SULF1: variants seen among roughly 807,000 people sequenced by gnomAD.
SULF1 encodes sulfatase 1, also known as extracellular sulfatase Sulf-1.
In SULF1, 46 loss-of-function variants were observed where a neutral mutation model predicts 110.5. The observed-to-expected ratio is 0.42, with a 90% CI of 0.33 to 0.53. The LOEUF is 0.53. Among genes scored for constraint, SULF1 ranks in the 20% least tolerant of loss-of-function variants. SULF1 has a pLI of 0.12. For missense variants in SULF1, 941 were observed against 1,094.2 expected (o/e 0.86, Z 1.98); for synonymous variants, 371 against 387.1 (o/e 0.96, Z 0.49).
Position 69,658,958 on chromosome 8 carries a change from A to C in SULF1, c.*423A>C, listed in dbSNP as rs1291235023. ...GAAGTTAATCATTTGAATTCTGAAC[A>C]CTGGAGAAAAACCGAAAAATGGACG... On this transcript the variant is annotated 3_prime_UTR_variant, in exon 23 of 23. Transcript: ENST00000402687. 2.2e-6 allele frequency: 1 copy of C among 459,202 alleles called. No individual in the cohort carries two copies. Among genetic ancestry groups the C allele is most frequent in the Non-Finnish European group, 4.4e-6 (1 of 228,526 alleles). The allele number at this position is 459,202 out of a possible 1,614,324, so 28.4% of individuals were successfully genotyped here. A position where few individuals can be genotyped will look rare whatever the true frequency, so the allele number is the denominator to read the frequency against.
intron 3 of SULF1, among the ~76,000 whole-genome samples, chr8:69,554,807 G>A (rs946843709): frequency 2.0e-5 from 3 of 151,780 alleles, no homozygotes; most frequent in Admixed American, 6.6e-5. Flanking sequence ...GTGAAACCCC[G>A]TCTTTACTGA....
At chr8:69,535,598 T>C (rs2150654695) in intron 3 of SULF1, among the ~76,000 whole-genome samples, 1 of 151,978 alleles carries the variant, frequency 6.6e-6, no homozygotes, top group East Asian at 1.9e-4. Context: ...ATGTAAGGAG[T>C]AAAGCTCTAA....
intron 1 of SULF1, among the ~76,000 whole-genome samples, chr8:69,494,677 G>A (rs1180357919): frequency 1.3e-5 from 2 of 152,102 alleles, no homozygotes; most frequent in African/African-American, 2.4e-5. Flanking sequence ...CATAATAGAA[G>A]GAACACAAGC....
At chr8:69,552,249 G>A (rs1033163687) in intron 3 of SULF1, among the ~76,000 whole-genome samples, 3 of 152,162 alleles carry the variant, frequency 2.0e-5, no homozygotes, top group Admixed American at 6.5e-5. Flanking sequence ...CTCTTGCGTA[G>A]CTCTTTTAAA....
intron 22 of SULF1, among the ~76,000 whole-genome samples, chr8:69,654,710 C>A (rs1294354571): frequency 6.6e-6 from 1 of 152,186 alleles, no homozygotes; most frequent in Non-Finnish European, 1.5e-5. Context: ...TCCTGCAAAG[C>A]AGAGAAATCT....
chr8:69,493,448 T>TACACACACACACACACACACAC (rs56867664), intron 1 of SULF1, among the ~76,000 whole-genome samples: 4 of 144,276 alleles, frequency 2.8e-5, no homozygotes, highest in African/African-American at 1.0e-4. Context: ...CACACAACAC[T>TACACACACACACACACACACAC]ACACACACAC....
intron 3 of SULF1, among the ~76,000 whole-genome samples, chr8:69,512,285 T>C (rs1811615968): frequency 6.6e-6 from 1 of 152,120 alleles, no homozygotes; most frequent in South Asian, 2.1e-4. Context: ...AAGTGCCTCT[T>C]GAGCGAGTAT....
At position 69,621,247 on chromosome 8, in the gene SULF1, T is replaced by C; in HGVS notation, c.1590T>C (p.Thr530=). ...GGCAATTCTTGAGAAACCAGGGGAC[T>C]CCAAGTAAGCCACGCTTTTGTGACC... is the stretch of plus-strand genomic sequence containing the variant. The part of the protein sequence containing the change: ...SQRQFLRNQG[T]PKYKPRFVHT... Residue 530 remains threonine (T), a synonymous_variant, in exon 14 of 23, where the codon ACT becomes ACC. Transcript: ENST00000402687. The C allele has an allele frequency of 6.2e-7, 1 of 1,611,392 alleles. No homozygotes were observed. Among genetic ancestry groups the C allele is most frequent in the East Asian group, 2.2e-5 (1 of 44,850 alleles).
At chr8:69,488,716 C>G (rs1293241067), upstream of SULF1, among the ~76,000 whole-genome samples, 1 of 152,028 alleles carries the variant, frequency 6.6e-6, no homozygotes, top group Non-Finnish European at 1.5e-5. Context: ...CAGCACCCAA[C>G]AGTGGACAGA....
chr8:69,468,795 G>A (rs546391277), intron 1 of SULF1, among the ~76,000 whole-genome samples: 83 of 152,296 alleles, frequency 5.4e-4, no homozygotes, highest in African/African-American at 1.9e-3. Flanking sequence ...TCACAAGAAA[G>A]TCAAGTGCCT....
intron 3 of SULF1, among the ~76,000 whole-genome samples, chr8:69,526,798 AAAGGAAGGAAGGAAGG>A (rs5892198): frequency 4.9e-4 from 55 of 112,198 alleles, no homozygotes; most frequent in African/African-American, 1.7e-3. Flanking sequence ...GTCAAGAAAG[AAAGGAAGGAAGGAAGG>A]AAGGAAGGAA....
At chr8:69,490,764 A>G (rs1193648324), upstream of SULF1, among the ~76,000 whole-genome samples, 2 of 150,176 alleles carry the variant, frequency 1.3e-5, no homozygotes, top group Admixed American at 6.6e-5. Context: ...TCTAAGCTGT[A>G]TGACCAGACT....
Position 69,586,376 on chromosome 8 carries a change from C to T in SULF1, c.432C>T (p.Leu144=). ...GYRTAFFGKY[L]NEYNGSYIPP... is the part of the protein sequence containing the mutation. ...CTGCAGCCTTTTTTGGAAAATACCT[C>T]AATGAATATAATGGCAGCTACATCC... Residue 144 remains leucine, a synonymous_variant, in exon 7 of 23, where the codon CTC becomes CTT. Coordinates refer to ENST00000402687, the MANE Select transcript of SULF1 (RefSeq NM_001128205.2). 1.3e-6 allele frequency: 2 copies of T among 1,577,806 alleles called. No homozygotes were observed. The highest frequency in any genetic ancestry group is 1.7e-6 in the Non-Finnish European group (2 of 1,166,420).
At chr8:69,563,138 A>C (rs1815625152) in intron 3 of SULF1, 1 of 152,496 alleles carries the variant, frequency 6.6e-6, no homozygotes, top group Non-Finnish European at 1.5e-5. Flanking sequence ...TCAGTATCAC[A>C]CGCAGGTGAG....
At chr8:69,527,049 G>A (rs1812746571) in intron 3 of SULF1, among the ~76,000 whole-genome samples, 1 of 152,094 alleles carries the variant, frequency 6.6e-6, no homozygotes, top group African/African-American at 2.4e-5. Context: ...ATGTCGGTGT[G>A]AACAGTTCTT....
intron 3 of SULF1, among the ~76,000 whole-genome samples, chr8:69,550,354 A>C (rs1389660299): frequency 6.6e-6 from 1 of 152,264 alleles, no homozygotes; most frequent in East Asian, 1.9e-4. Flanking sequence ...TGACTATGAA[A>C]TGTTTAATAT....
chr8:69,639,966 C>T (rs972970333), intron 21 of SULF1, among the ~76,000 whole-genome samples: 1 of 152,118 alleles, frequency 6.6e-6, no homozygotes, highest in Non-Finnish European at 1.5e-5. Context: ...CAGTCAAGAG[C>T]AGACTGTACT....
rs1809653191 is a variant in SULF1, at chr8:69,485,120, CCTT to C, written c.-390-10639_-390-10637del. ...AGTGTCAGGATACACCTTGCAACCT[CCTT>C]CTTCTAACCCGTGCTTTCAGCCCTT... On this transcript the variant is annotated intron_variant, in intron 1 of 22. Transcript: ENST00000260128. Among the ~76,000 whole-genome samples, 9 of 152,288 alleles carry C rather than the reference CCTT, an allele frequency of 5.9e-5. No homozygotes were observed. In the South Asian group the frequency reaches 1.9e-3, roughly 32 times the overall value.
intron 3 of SULF1, among the ~76,000 whole-genome samples, chr8:69,509,023 C>T (rs1309755505): frequency 6.6e-6 from 1 of 152,176 alleles, no homozygotes; most frequent in African/African-American, 2.4e-5. Context: ...CTAATTTACT[C>T]TATAATTTCC....
Sources: gnomAD v4.1 joint callset for allele counts (sites outside exome capture counted in the v4.1 genomes callset) on GRCh38, gnomAD v4.1.1 for gene constraint, MANE v1.5 for transcripts, NCBI Gene and HGNC (gene_info 2026-07-23, HGNC 2026-07-21) for gene names.